Variants in STXBP6 observed in about 807,000 individuals in gnomAD.
The protein encoded by STXBP6 is syntaxin-binding protein 6.
In STXBP6, 21 loss-of-function variants were observed where a neutral mutation model predicts 26.9. The ratio of observed to expected loss-of-function variants is 0.78; its 90% CI spans 0.55 to 1.12. STXBP6 has a LOEUF of 1.12. Among genes scored for constraint, STXBP6 ranks in the 50% most tolerant of loss-of-function variants. The probability of loss-of-function intolerance (pLI) is 0.00; values close to 1 mark genes in which losing one functional copy is unlikely to be tolerated. For synonymous variants in STXBP6, 97 were observed against 92.6 expected, an observed-to-expected ratio of 1.05 and a Z score of -0.27; for missense variants, 232 against 257.9, an observed-to-expected ratio of 0.90 and a Z score of 0.69.
chr14:24,814,213 C>T (rs980045695), intron 5 of STXBP6, among the ~76,000 whole-genome samples: 15 of 152,122 alleles, frequency 9.9e-5, no homozygotes, highest in African/African-American at 3.1e-4. Flanking sequence ...AGTTTATAGT[C>T]CAGGAAACAT....
chr14:24,831,577 T>C lies in STXBP6; in HGVS notation c.452-12383A>G, dbSNP rs866438995. ...ATGGTTTTGTACTAAGACAATAATA[T>C]GTTAAGTTGTTTGAACCTCTAGGAG... On this transcript the variant is annotated intron_variant, in intron 4 of 5. Transcript: ENST00000323944. Among the ~76,000 whole-genome samples the C allele has an allele frequency of 3.3e-5, 5 of 152,264 alleles. No individual in the cohort carries two copies. In the South Asian group the frequency reaches 6.2e-4, roughly 19 times the overall value.
At chr14:24,995,375 G>T (rs900154486) in intron 1 of STXBP6, among the ~76,000 whole-genome samples, 1 of 152,074 alleles carries the variant, frequency 6.6e-6, no homozygotes, top group Non-Finnish European at 1.5e-5. Context: ...ACAGCAGCAG[G>T]AACTATGTTT....
At chr14:25,036,871 A>G (rs895397072) in intron 1 of STXBP6, among the ~76,000 whole-genome samples, 5 of 151,900 alleles carry the variant, frequency 3.3e-5, no homozygotes, top group South Asian at 2.1e-4. Flanking sequence ...AAAAAAAAAA[A>G]AAAAGAAATC....
intron 2 of STXBP6, among the ~76,000 whole-genome samples, chr14:24,964,123 C>T (rs1297116348): frequency 6.6e-6 from 1 of 152,062 alleles, no homozygotes. Flanking sequence ...GCCCAATTCC[C>T]CCCACCCAGA....
chr14:24,904,583 A>G (rs1055577880), intron 2 of STXBP6, among the ~76,000 whole-genome samples: 3 of 152,184 alleles, frequency 2.0e-5, no homozygotes, highest in Non-Finnish European at 4.4e-5. Flanking sequence ...TAAAAAGGTA[A>G]TATTAATTGA....
intron 1 of STXBP6, among the ~76,000 whole-genome samples, chr14:24,983,063 T>C (rs895121701): frequency 2.0e-5 from 3 of 152,214 alleles, no homozygotes; most frequent in African/African-American, 7.2e-5. Context: ...ACAGTATCCA[T>C]GTACCCTTTC....
At chr14:24,825,598 T>C (rs1473223421) in intron 4 of STXBP6, among the ~76,000 whole-genome samples, 6 of 152,322 alleles carry the variant, frequency 3.9e-5, no homozygotes, top group Admixed American at 3.9e-4. Flanking sequence ...AGGTCTTCTT[T>C]TGGCATTGTG....
intron 1 of STXBP6, among the ~76,000 whole-genome samples, chr14:25,044,116 A>G (rs574638165): frequency 7.1e-6 from 1 of 140,850 alleles, no homozygotes; most frequent in East Asian, 2.3e-4. Flanking sequence ...GGCTGCAGTG[A>G]GGAGAAATTG....
chr14:25,026,010 A>T (rs1595341935), intron 1 of STXBP6, among the ~76,000 whole-genome samples: 1 of 152,200 alleles, frequency 6.6e-6, no homozygotes, highest in Non-Finnish European at 1.5e-5. Context: ...TCTTCCGTGT[A>T]TCTTTGCCTT....
chr14:25,013,511 G>C (rs890533749), intron 1 of STXBP6, among the ~76,000 whole-genome samples: 1 of 142,336 alleles, frequency 7.0e-6, no homozygotes, highest in South Asian at 2.2e-4. Flanking sequence ...CACCCCTAAA[G>C]GTAAGTGTCT....
intron 2 of STXBP6, among the ~76,000 whole-genome samples, chr14:24,862,175 T>C (rs2255003): frequency 6.6e-6 from 1 of 151,682 alleles, no homozygotes; most frequent in Non-Finnish European, 1.5e-5. Flanking sequence ...TAACTTTTAT[T>C]TTTTTTGTAG....
At position 24,812,250 on chromosome 14, in the gene STXBP6, A is replaced by T. The variant is rs1233999086; in HGVS notation, c.*459T>A. On this transcript the variant is annotated 3_prime_UTR_variant, in exon 6 of 6. Coordinates refer to ENST00000323944, the MANE Select transcript of STXBP6 (RefSeq NM_001394410.1). ...GCTAGGACAGTGAGTGAAACTAATC[A>T]CTGCTTGACTTTTATTTTCATCTAG... 1 of 157,192 alleles carries T rather than the reference A, an allele frequency of 6.4e-6. No homozygotes were observed. Among genetic ancestry groups the T allele is most frequent in the African/African-American group, 2.4e-5 (1 of 41,470 alleles). The allele number at this position is 157,192 out of a possible 1,614,324, so 9.7% of individuals were successfully genotyped here.
intron 4 of STXBP6, among the ~76,000 whole-genome samples, chr14:24,851,687 C>T (rs2069163157): frequency 6.6e-6 from 1 of 152,022 alleles, no homozygotes. Flanking sequence ...AAATAAAAGC[C>T]ACCATTTCAG....
chr14:24,818,993 C>A, intron 5 of STXBP6, 44 bp downstream of exon 5: 1 of 1,515,750 alleles, frequency 6.6e-7, no homozygotes, highest in South Asian at 1.3e-5. Context: ...ACTGTAGCTC[C>A]CCAACACCCC....
chr14:24,975,994 T>C (rs1191439592), intron 1 of STXBP6, among the ~76,000 whole-genome samples: 2 of 152,232 alleles, frequency 1.3e-5, no homozygotes, highest in African/African-American at 2.4e-5. Flanking sequence ...ATCCCGCATA[T>C]GGATCAACAG....
At chr14:25,016,058 A>C (rs2075140659) in intron 1 of STXBP6, among the ~76,000 whole-genome samples, 1 of 152,204 alleles carries the variant, frequency 6.6e-6, no homozygotes, top group Non-Finnish European at 1.5e-5. Context: ...TATGAGTGGA[A>C]GTGTCAGAGG....
At chr14:24,842,785 C>T (rs1189387650) in intron 4 of STXBP6, among the ~76,000 whole-genome samples, 2 of 150,944 alleles carry the variant, frequency 1.3e-5, no homozygotes, top group Admixed American at 1.3e-4. Flanking sequence ...CTTTTTTTAA[C>T]AGGAAAAAAA....
At position 24,833,761 on chromosome 14, in the gene STXBP6, A is replaced by G. The variant is rs79406528; in HGVS notation, c.452-14567T>C. On this transcript the variant is annotated intron_variant, in intron 4 of 5. Coordinates refer to ENST00000323944, the MANE Select transcript of STXBP6 (RefSeq NM_001394410.1). ...TCAAAGATATAATTATGTACAAAATATATCAAGTTGCAGATATTTGATTAA... is the reference window on the plus strand; with the variant it reads ...TCAAAGATATAATTATGTACAAAATGTATCAAGTTGCAGATATTTGATTAA... 7.1e-3 allele frequency among the ~76,000 whole-genome samples: 1,089 copies of G among 152,350 alleles called. 12 individuals carry two copies. The highest frequency in any genetic ancestry group is 0.025 in the African/African-American group (1,034 of 41,578).
chr14:24,844,668 G>T (rs2068894644), intron 4 of STXBP6, among the ~76,000 whole-genome samples: 1 of 152,202 alleles, frequency 6.6e-6, no homozygotes, highest in South Asian at 2.1e-4. Flanking sequence ...ACGGTATAGT[G>T]AAGGGATTAC....
Sources: gnomAD v4.1 joint callset for allele counts (sites outside exome capture counted in the v4.1 genomes callset) on GRCh38, gnomAD v4.1.1 for gene constraint, MANE v1.5 for transcripts, NCBI Gene and HGNC (gene_info 2026-07-23, HGNC 2026-07-21) for gene names.